Variants in TRPC4 observed in about 807,000 individuals in gnomAD.
TRPC4 encodes transient receptor potential cation channel subfamily C member 4, also known as short transient receptor potential channel 4.
In TRPC4, 49 loss-of-function variants were observed where a neutral mutation model predicts 99.4. The observed-to-expected ratio is 0.49, with a 90% confidence interval of 0.39 to 0.63. The LOEUF (loss-of-function observed/expected upper bound fraction) is 0.63, where lower values mean the gene tolerates loss of function less well. Ranked by LOEUF, TRPC4 falls within the 20% of genes least tolerant of loss-of-function variation. TRPC4 has a pLI of 0.00. For missense variants in TRPC4, 898 were observed against 1,152.9 expected (o/e 0.78, Z 3.20); for synonymous variants, 454 against 425.9 (o/e 1.07, Z -0.81).
intron 2 of TRPC4, among the ~76,000 whole-genome samples, chr13:37,767,182 G>C (rs1214011083): frequency 1.3e-5 from 2 of 150,782 alleles, no homozygotes; most frequent in Non-Finnish European, 3.0e-5. Flanking sequence ...TTGTTTTTGT[G>C]GTATGTCCAA....
At chr13:37,641,649 T>G (rs1464199848) in intron 8 of TRPC4, among the ~76,000 whole-genome samples, 1 of 152,200 alleles carries the variant, frequency 6.6e-6, no homozygotes, top group Non-Finnish European at 1.5e-5. Flanking sequence ...ATCACCATTA[T>G]GCCCTTCCAG....
chr13:37,746,567 GT>G, intron 2 of TRPC4, 112 bp from the exon 3 acceptor site: 17 of 850,196 alleles, frequency 2.0e-5, no homozygotes, highest in African/African-American at 1.4e-4. Context: ...CCTTGGCCGG[GT>G]TTTTTTTTTT....
chr13:37,778,897 G>T (rs1374911226), intron 2 of TRPC4, among the ~76,000 whole-genome samples: 2 of 152,000 alleles, frequency 1.3e-5, no homozygotes, highest in East Asian at 3.9e-4. Flanking sequence ...TCTACAACCT[G>T]CAACATCCTC....
intron 5 of TRPC4, among the ~76,000 whole-genome samples, chr13:37,667,908 A>T (rs1414463697): frequency 6.6e-6 from 1 of 152,206 alleles, no homozygotes; most frequent in Non-Finnish European, 1.5e-5. Flanking sequence ...TTATTTTGTT[A>T]TTCATTCATC....
chr13:37,792,283 A>G (rs1566174836), intron 1 of TRPC4, among the ~76,000 whole-genome samples: 1 of 152,092 alleles, frequency 6.6e-6, no homozygotes, highest in African/African-American at 2.4e-5. Flanking sequence ...TAGTTTATTA[A>G]TGTTTTTACT....
chr13:37,855,337 G>GATATAT (rs59525799), intron 1 of TRPC4, among the ~76,000 whole-genome samples: 16,501 of 136,372 alleles, frequency 0.12, 1,247 homozygotes, highest in East Asian at 0.16. Flanking sequence ...ATACAATGTA[G>GATATAT]ATATATATAT....
chr13:37,777,685 G>T (rs1956745882), intron 2 of TRPC4, among the ~76,000 whole-genome samples: 1 of 151,980 alleles, frequency 6.6e-6, no homozygotes, highest in African/African-American at 2.4e-5. Flanking sequence ...TTTGTCAATA[G>T]GAAGACAGAG....
intron 5 of TRPC4, among the ~76,000 whole-genome samples, chr13:37,672,559 A>C (rs1367202676): frequency 2.0e-5 from 3 of 152,198 alleles, no homozygotes; most frequent in Non-Finnish European, 4.4e-5. Flanking sequence ...TTTGAGAAGA[A>C]CTGGTATTGT....
At chr13:37,857,097 A>G (rs1338194378) in intron 1 of TRPC4, among the ~76,000 whole-genome samples, 1 of 151,844 alleles carries the variant, frequency 6.6e-6, no homozygotes, top group Admixed American at 6.6e-5. Context: ...TACAAAATTA[A>G]TGTACAAAAA....
intron 1 of TRPC4, among the ~76,000 whole-genome samples, chr13:37,832,795 T>C (rs1250672325): frequency 2.6e-5 from 4 of 152,118 alleles, no homozygotes; most frequent in Admixed American, 1.3e-4. Flanking sequence ...AATGTAAAGA[T>C]AACAGTTAAA....
intron 6 of TRPC4, among the ~76,000 whole-genome samples, chr13:37,657,743 G>A (rs1055842486): frequency 7.3e-4 from 111 of 152,090 alleles, no homozygotes; most frequent in African/African-American, 2.6e-3. Flanking sequence ...TGTCTACATA[G>A]TAACTACTAA....
In TRPC4 at chr13:37,674,377, TAGAA is replaced by T; in HGVS notation, c.1235-14_1235-11del. The T allele has an allele frequency of 6.3e-7, 1 of 1,595,986 alleles. No individual in the cohort carries two copies. The highest frequency in any genetic ancestry group is 8.5e-7 in the Non-Finnish European group (1 of 1,175,048). ...TCTCCCCATATGAAGCCTGCAATTA[TAGAA>T]AGATTCATTGTAAGTATGATTTCAA... On this transcript the variant is annotated splice_polypyrimidine_tract_variant and intron_variant, in intron 4 of 10. Coordinates refer to ENST00000379705, the MANE Select transcript of TRPC4 (RefSeq NM_016179.4).
At chr13:37,719,283 G>A (rs1954785701) in intron 3 of TRPC4, among the ~76,000 whole-genome samples, 1 of 152,100 alleles carries the variant, frequency 6.6e-6, no homozygotes, top group Non-Finnish European at 1.5e-5. Context: ...GGGAGGTTGA[G>A]GCTGCAGTGA....
At chr13:37,818,810 G>A (rs1231295869) in intron 1 of TRPC4, among the ~76,000 whole-genome samples, 1 of 151,952 alleles carries the variant, frequency 6.6e-6, no homozygotes, top group African/African-American at 2.4e-5. Flanking sequence ...AGGGGATTGG[G>A]GGCCATTGAA....
intron 5 of TRPC4, among the ~76,000 whole-genome samples, chr13:37,671,581 A>AC (rs1196999676): frequency 6.6e-5 from 10 of 152,090 alleles, no homozygotes; most frequent in African/African-American, 2.4e-4. Flanking sequence ...AAAAGTAAAA[A>AC]AAAAAAGAAA....
intron 3 of TRPC4, among the ~76,000 whole-genome samples, chr13:37,745,429 T>G: frequency 1.1e-5 from 1 of 95,104 alleles, no homozygotes; most frequent in East Asian, 4.3e-4. Flanking sequence ...TTTATATATA[T>G]ATATGCGTAT....
chr13:37,836,852 A>G (rs2139618211), intron 1 of TRPC4, among the ~76,000 whole-genome samples: 1 of 152,318 alleles, frequency 6.6e-6, no homozygotes, highest in South Asian at 2.1e-4. Context: ...CACATGTGAG[A>G]GGTCTTCATG....
At position 37,637,476 on chromosome 13, in the gene TRPC4, G is replaced by A. The variant is rs762649694; in HGVS notation, c.2361C>T (p.Ser787=). 4 of 1,613,606 alleles carry A rather than the reference G, an allele frequency of 2.5e-6. No homozygotes were observed. Among genetic ancestry groups the A allele is most frequent in the African/African-American group, 1.3e-5 (1 of 74,888 alleles). The change falls in exon 11 of 11, where the codon AGC becomes AGT. Residue 787 remains serine, a synonymous_variant. Transcript: ENST00000379705. ...GGCTGAAATTCTTTTTCTTGTCCTTGCTATTACCTTCGCTATCACTCTTTT... is the reference window on the plus strand; with the variant it reads ...GGCTGAAATTCTTTTTCTTGTCCTTACTATTACCTTCGCTATCACTCTTTT... ...SDEKSDSEGN[S]KDKKKNFSLF...
At chr13:37,855,718 T>C (rs1959167881) in intron 1 of TRPC4, among the ~76,000 whole-genome samples, 1 of 151,632 alleles carries the variant, frequency 6.6e-6, no homozygotes, top group Non-Finnish European at 1.5e-5. Context: ...TACAAATCAA[T>C]AACAGGAGGA....
Sources: gnomAD v4.1 joint callset for allele counts (sites outside exome capture counted in the v4.1 genomes callset) on GRCh38, gnomAD v4.1.1 for gene constraint, MANE v1.5 for transcripts, NCBI Gene and HGNC (gene_info 2026-07-23, HGNC 2026-07-21) for gene names.